Variants in CCDC88C observed in about 807,000 individuals in gnomAD.
CCDC88C encodes coiled-coil and HOOK domain protein 88C.
Under a neutral mutation model 198.8 loss-of-function variants are expected in CCDC88C, and 131 were observed. That is an observed-to-expected ratio of 0.66 (90% confidence interval 0.57 to 0.76). CCDC88C has a LOEUF of 0.76. Among genes scored for constraint, CCDC88C ranks in the 30% least tolerant of loss-of-function variants. CCDC88C has a pLI of 0.00. For missense variants in CCDC88C, 2,553 were observed against 2,631.6 expected, an observed-to-expected ratio of 0.97 and a Z score of 0.65; for synonymous variants, 1,166 against 1,114.7, an observed-to-expected ratio of 1.05 and a Z score of -0.92.
intron 14 of CCDC88C, among the ~76,000 whole-genome samples, chr14:91,315,006 A>G (rs572420955): frequency 6.6e-6 from 1 of 152,224 alleles, no homozygotes; most frequent in South Asian, 2.1e-4. Flanking sequence ...AAAACAAAAA[A>G]CTAAAATACT....
rs780397415 is a variant in CCDC88C at position 91,305,752 on chromosome 14, G to GCACA, written c.3357+12_3357+13insTGTG. 1 of 1,593,584 alleles carries GCACA rather than the reference G, an allele frequency of 6.3e-7. No homozygotes were observed. The highest frequency in any genetic ancestry group is 1.3e-5 in the African/African-American group (1 of 74,606). ...CCAGGCTTGTGACCACTGGTGTTGG[G>GCACA]AGCCCCGCTCACCTGCAGCTTGGCG... is the stretch of plus-strand genomic sequence containing the variant. On this transcript the variant is annotated intron_variant, in intron 19 of 29. Transcript: ENST00000389857.
intron 13 of CCDC88C, 139 bp from the exon 14 acceptor site, chr14:91,315,926 T>C (rs1296817182): frequency 6.2e-6 from 5 of 803,802 alleles, no homozygotes; most frequent in Non-Finnish European, 9.8e-6. Flanking sequence ...CATCATTCTG[T>C]AGCAACTCCC....
At chr14:91,319,841 C>T (rs891836850) in intron 13 of CCDC88C, among the ~76,000 whole-genome samples, 1 of 152,006 alleles carries the variant, frequency 6.6e-6, no homozygotes, top group African/African-American at 2.4e-5. Context: ...GCCTGGCCAA[C>T]ATGGCAAAAC....
At position 91,417,683 on chromosome 14, in the gene CCDC88C, A is replaced by T. The variant is rs1435524988; in HGVS notation, c.8T>A (p.Val3Glu). Residue 3 changes from valine to glutamate, a missense_variant, in exon 1 of 30, where the codon GTG (valine) becomes GAG (glutamate). Around this residue, in one of 2 missense-constraint regions of CCDC88C, gnomAD observed 1,260 missense variants for 1,412.0 expected, o/e 0.89. Transcript: ENST00000389857. MDVTVSELLELFL... is the reference protein window; with the variant it reads MDETVSELLELFL... ...GAGCTCCAGGAGCTCCGAGACTGTC[A>T]CGTCCATGCTGAGGCTGCGCCCGCC... is the stretch of plus-strand genomic sequence containing the variant. 1.3e-6 allele frequency: 2 copies of T among 1,567,552 alleles called. No individual in the cohort carries two copies. The highest frequency in any genetic ancestry group is 1.7e-6 in the Non-Finnish European group (2 of 1,161,088).
At position 91,273,124 on chromosome 14, in the gene CCDC88C, A is replaced by G; in HGVS notation, c.5588T>C (p.Leu1863Pro). 1.9e-6 allele frequency: 3 copies of G among 1,574,304 alleles called. No homozygotes were observed. Among genetic ancestry groups the G allele is most frequent in the Non-Finnish European group, 2.6e-6 (3 of 1,160,322 alleles). Residue 1863 changes from leucine (L) to proline (P), a missense_variant, in exon 30 of 30, where the codon CTT becomes CCT. Leu to Pro is a moderately conservative substitution (Grantham distance 98). Coordinates refer to ENST00000389857, the MANE Select transcript of CCDC88C (RefSeq NM_001080414.4). This position sits in a 1 kb window ranked among gnomAD's most constrained non-coding sequence, Gnocchi z 5.6. ...SHSLARERTP[L>P]VGKAGSSCQG... ...ACAGGAGCTGCCAGCCTTTCCCACA[A>G]GTGGGGTCCGCTCCCGGGCCAGGCT...
chr14:91,340,366 G>A (rs972233549), intron 6 of CCDC88C, among the ~76,000 whole-genome samples: 2 of 152,246 alleles, frequency 1.3e-5, no homozygotes, highest in South Asian at 4.1e-4. Flanking sequence ...GCTTCAGGGT[G>A]AGAGGGTGAG....
chr14:91,379,582 G>A (rs778535499), intron 3 of CCDC88C: 4 of 558,688 alleles, frequency 7.2e-6, no homozygotes, highest in Non-Finnish European at 6.4e-6. Context: ...TGCCTCCAGG[G>A]GATCACACGA....
At chr14:91,301,423 A>T (rs1891276843) in intron 20 of CCDC88C, among the ~76,000 whole-genome samples, 1 of 152,244 alleles carries the variant, frequency 6.6e-6, no homozygotes, top group African/African-American at 2.4e-5. Flanking sequence ...GCACATTAAG[A>T]ATACAATAAG....
chr14:91,282,337 A>G (rs1198774572), intron 26 of CCDC88C, among the ~76,000 whole-genome samples: 4 of 152,160 alleles, frequency 2.6e-5, no homozygotes, highest in East Asian at 3.9e-4. Flanking sequence ...CAGACTTCCA[A>G]CACCCCAAAG....
chr14:91,382,083 C>T (rs1884829218), intron 3 of CCDC88C, among the ~76,000 whole-genome samples: 2 of 152,166 alleles, frequency 1.3e-5, no homozygotes, highest in African/African-American at 4.8e-5. Context: ...TTCAGACCCG[C>T]CATTAAATAC....
At chr14:91,358,394 C>T (rs1235233805) in intron 4 of CCDC88C, among the ~76,000 whole-genome samples, 1 of 152,148 alleles carries the variant, frequency 6.6e-6, no homozygotes, top group Non-Finnish European at 1.5e-5. Context: ...TCCTGTGTTC[C>T]TTGACCCCTC....
intron 10 of CCDC88C, among the ~76,000 whole-genome samples, chr14:91,335,946 T>A (rs1199182326): frequency 6.6e-6 from 1 of 152,204 alleles, no homozygotes; most frequent in East Asian, 1.9e-4. Flanking sequence ...TAATCAACCA[T>A]GCCCAATTCA....
At chr14:91,392,599 C>G (rs905913054) in intron 3 of CCDC88C, among the ~76,000 whole-genome samples, 4 of 152,134 alleles carry the variant, frequency 2.6e-5, no homozygotes, top group Non-Finnish European at 4.4e-5. Context: ...CCAGGGTTTC[C>G]ATACCAGCGA....
chr14:91,372,371 G>A (rs1370094653), intron 3 of CCDC88C, among the ~76,000 whole-genome samples: 1 of 151,956 alleles, frequency 6.6e-6, no homozygotes. Context: ...CCACCAGCAA[G>A]TCTGGCACCC....
intron 3 of CCDC88C, among the ~76,000 whole-genome samples, chr14:91,360,252 T>TCACACACACACACACACACACACACA (rs57026211): frequency 1.4e-5 from 2 of 144,196 alleles, no homozygotes; most frequent in Non-Finnish European, 3.0e-5. Flanking sequence ...GACCCCATCT[T>TCACACACACACACACACACACACACA]CACACACACA....
intron 6 of CCDC88C, among the ~76,000 whole-genome samples, chr14:91,341,978 G>C (rs1257584137): frequency 6.6e-6 from 1 of 152,228 alleles, no homozygotes. Context: ...CAGAAGCAGA[G>C]AATCTCTCTA....
chr14:91,346,328 C>T (rs910845611), intron 4 of CCDC88C, among the ~76,000 whole-genome samples: 1 of 152,218 alleles, frequency 6.6e-6, no homozygotes, highest in Non-Finnish European at 1.5e-5. Context: ...TGGGTTGGAC[C>T]ACAGGGTCTA....
Position 91,314,042 on chromosome 14 carries a change from TCTC to T in CCDC88C, c.1771_1773del (p.Glu591del). ...GTCACCGTCTGGTGGAGGGCTTTGTTCTCCTTCTCCACGTCTTTCATGCGGGCC... is the reference window on the plus strand; with the variant it reads ...GTCACCGTCTGGTGGAGGGCTTTGTTCTTCTCCACGTCTTTCATGCGGGCC... On this transcript the variant is annotated inframe_deletion, in exon 15 of 30. Coordinates refer to ENST00000389857, the MANE Select transcript of CCDC88C (RefSeq NM_001080414.4). The T allele has an allele frequency of 1.2e-6, 2 of 1,613,806 alleles. No homozygotes were observed. Among genetic ancestry groups the T allele is most frequent in the Non-Finnish European group, 1.7e-6 (2 of 1,179,822 alleles).
intron 3 of CCDC88C, among the ~76,000 whole-genome samples, chr14:91,360,252 T>TCACACACACACACACACACACACA (rs57026211): frequency 3.5e-5 from 5 of 144,196 alleles, no homozygotes; most frequent in Non-Finnish European, 1.5e-5. Context: ...GACCCCATCT[T>TCACACACACACACACACACACACA]CACACACACA....
Sources: allele counts gnomAD v4.1 joint callset (sites outside exome capture counted in the v4.1 genomes callset), GRCh38; gene constraint gnomAD v4.1.1; regional missense constraint gnomAD v4.1.1; non-coding constraint Gnocchi (gnomAD v3.1); transcripts MANE v1.5; gene names NCBI Gene and HGNC (gene_info 2026-07-23, HGNC 2026-07-21).